MLLT3: variants seen among roughly 807,000 people sequenced by gnomAD.
MLLT3 encodes MLLT3 super elongation complex subunit, also known as protein AF-9.
MLLT3 carries 4 observed loss-of-function variants against 53.2 expected under a neutral mutation model. That is an observed-to-expected ratio of 0.08 (90% CI 0.04 to 0.17). The LOEUF is 0.17. MLLT3 is among the 10% of genes least tolerant of loss of function. MLLT3 has a pLI of 1.00. For synonymous variants in MLLT3, 283 were observed against 230.6 expected (o/e 1.23, Z -2.06); for missense variants, 569 against 684.0 (o/e 0.83, Z 1.87).
intron 2 of MLLT3, among the ~76,000 whole-genome samples, chr9:20,532,317 A>AT (rs530494537): frequency 0.03 from 4,368 of 147,880 alleles, 233 homozygotes; most frequent in African/African-American, 0.11. Flanking sequence ...TAGGAAAAAA[A>AT]AATATATATA....
chr9:20,494,204 C>G (rs1042406263), intron 2 of MLLT3, among the ~76,000 whole-genome samples: 3 of 152,068 alleles, frequency 2.0e-5, no homozygotes, highest in African/African-American at 7.2e-5. Flanking sequence ...CCTAGGAATT[C>G]TTTTATCAGC....
At chr9:20,523,900 G>A (rs1818131790) in intron 2 of MLLT3, among the ~76,000 whole-genome samples, 1 of 151,952 alleles carries the variant, frequency 6.6e-6, no homozygotes, top group Non-Finnish European at 1.5e-5. Context: ...GAGTTCAGGA[G>A]GTGGAGGTTA....
intron 2 of MLLT3, among the ~76,000 whole-genome samples, chr9:20,467,205 T>G (rs13292066): frequency 0.025 from 3,829 of 152,188 alleles, 71 homozygotes; most frequent in Middle Eastern, 0.054. Context: ...GGACTTGAAC[T>G]CCTGGCGTCA....
At chr9:20,375,899 C>T (rs1476654070) in intron 5 of MLLT3, among the ~76,000 whole-genome samples, 4 of 152,240 alleles carry the variant, frequency 2.6e-5, no homozygotes, top group Non-Finnish European at 4.4e-5. Context: ...TGAGCCACCG[C>T]GCCCGGACTT....
At chr9:20,406,382 T>C (rs1371633677) in intron 5 of MLLT3, among the ~76,000 whole-genome samples, 1 of 152,218 alleles carries the variant, frequency 6.6e-6, no homozygotes, top group Non-Finnish European at 1.5e-5. Flanking sequence ...ACATAGGAAG[T>C]ACCTACCACA....
At chr9:20,393,354 G>A (rs961439269) in intron 5 of MLLT3, among the ~76,000 whole-genome samples, 32 of 152,026 alleles carry the variant, frequency 2.1e-4, no homozygotes, top group Non-Finnish European at 4.3e-4. Flanking sequence ...CTTACCAATC[G>A]GCAATTTCTG....
At chr9:20,536,222 G>A (rs1818481068) in intron 2 of MLLT3, among the ~76,000 whole-genome samples, 1 of 150,956 alleles carries the variant, frequency 6.6e-6, no homozygotes, top group African/African-American at 2.4e-5. Flanking sequence ...TGGACAGCAG[G>A]GAATAAATGG....
At chr9:20,608,807 A>G (rs530589161) in intron 2 of MLLT3, among the ~76,000 whole-genome samples, 28 of 152,158 alleles carry the variant, frequency 1.8e-4, no homozygotes, top group Admixed American at 5.2e-4. Context: ...AATATGAGTC[A>G]TTCAAGAAAA....
intron 2 of MLLT3, among the ~76,000 whole-genome samples, chr9:20,575,402 G>C (rs796645327): frequency 6.6e-6 from 1 of 152,082 alleles, no homozygotes; most frequent in African/African-American, 2.4e-5. Flanking sequence ...ATGATCATTA[G>C]CAATTTTTTT....
Position 20,621,826 on chromosome 9 carries a change from G to T in MLLT3, c.12+419C>A. Reference sequence around the variant, plus strand: ...GGTGCGGCCGCCGAGGCTGCTCGCCGCGTCCCCGGACTGTGCCCGCAGCTC... The same window carrying T: ...GGTGCGGCCGCCGAGGCTGCTCGCCTCGTCCCCGGACTGTGCCCGCAGCTC... On this transcript the variant is annotated intron_variant, in intron 1 of 10. Transcript: ENST00000380338. This position sits in a 1 kb window ranked among gnomAD's most constrained non-coding sequence, Gnocchi z 7.0. 7.0e-7 allele frequency: 1 copy of T among 1,425,208 alleles called. No homozygotes were observed. Among genetic ancestry groups the T allele is most frequent in the Non-Finnish European group, 9.1e-7 (1 of 1,101,678 alleles). The allele number at this position is 1,425,208 out of a possible 1,614,324, so 88.3% of individuals were successfully genotyped here.
chr9:20,440,088 C>G (rs891667512), intron 4 of MLLT3, among the ~76,000 whole-genome samples: 2 of 152,042 alleles, frequency 1.3e-5, no homozygotes, highest in Non-Finnish European at 2.9e-5. Flanking sequence ...AATAAATAAA[C>G]TAATTATCTG....
intron 2 of MLLT3, among the ~76,000 whole-genome samples, chr9:20,485,745 C>CGTGT (rs10536645): frequency 6.6e-6 from 1 of 151,112 alleles, no homozygotes; most frequent in Non-Finnish European, 1.5e-5. Flanking sequence ...CATATACACA[C>CGTGT]GTGTGTGTGT....
intron 2 of MLLT3, among the ~76,000 whole-genome samples, chr9:20,504,772 G>A (rs929290232): frequency 3.3e-5 from 5 of 151,968 alleles, no homozygotes; most frequent in Non-Finnish European, 7.4e-5. Flanking sequence ...CTGAGATAAT[G>A]CATATGTTAA....
intron 5 of MLLT3, among the ~76,000 whole-genome samples, chr9:20,378,505 GT>G (rs1408175382): frequency 6.6e-6 from 1 of 151,890 alleles, no homozygotes; most frequent in Non-Finnish European, 1.5e-5. Flanking sequence ...TGAAGAAGAG[GT>G]AACACAAACT....
intron 2 of MLLT3, among the ~76,000 whole-genome samples, chr9:20,599,351 G>T (rs1820358450): frequency 6.7e-6 from 1 of 149,016 alleles, no homozygotes; most frequent in African/African-American, 2.5e-5. Context: ...ATGCAATGAT[G>T]ACTAATATTT....
At chr9:20,518,216 G>A (rs1440695327) in intron 2 of MLLT3, among the ~76,000 whole-genome samples, 1 of 152,016 alleles carries the variant, frequency 6.6e-6, no homozygotes, top group Non-Finnish European at 1.5e-5. Context: ...GTGGTGGCAC[G>A]CGCCTGTAAT....
intron 4 of MLLT3, among the ~76,000 whole-genome samples, chr9:20,422,546 T>A (rs1213676685): frequency 3.3e-5 from 5 of 152,144 alleles, no homozygotes; most frequent in Non-Finnish European, 7.4e-5. Context: ...ACAGCAATCA[T>A]CCTAACAGTT....
At chr9:20,582,719 A>T (rs571106878) in intron 2 of MLLT3, among the ~76,000 whole-genome samples, 1 of 152,332 alleles carries the variant, frequency 6.6e-6, no homozygotes, top group South Asian at 2.1e-4. Context: ...AAGCAAAAGC[A>T]GAAACCCCTG....
At chr9:20,511,233 A>C (rs1470172895) in intron 2 of MLLT3, among the ~76,000 whole-genome samples, 1 of 152,164 alleles carries the variant, frequency 6.6e-6, no homozygotes, top group East Asian at 1.9e-4. Flanking sequence ...TGAGTTATAA[A>C]ACTTAAACGT....
Sources: gnomAD v4.1 joint callset for allele counts (sites outside exome capture counted in the v4.1 genomes callset) on GRCh38, gnomAD v4.1.1 for gene constraint, Gnocchi (gnomAD v3.1) non-coding constraint, MANE v1.5 for transcripts, NCBI Gene and HGNC (gene_info 2026-07-23, HGNC 2026-07-21) for gene names.